Variants in TTLL11 observed in about 807,000 individuals in gnomAD.
The protein encoded by TTLL11 is tubulin polyglutamylase TTLL11.
Under a neutral mutation model 51.7 loss-of-function variants are expected in TTLL11, and 42 were observed. The observed-to-expected ratio is 0.81, with a 90% CI of 0.64 to 1.05. TTLL11 has a LOEUF of 1.05. TTLL11 is among the 50% of genes least tolerant of loss of function. The pLI, the probability that TTLL11 is intolerant of heterozygous loss-of-function variation, is 0.00. For missense variants in TTLL11, 799 were observed against 940.4 expected, an observed-to-expected ratio of 0.85 and a Z score of 1.97; for synonymous variants, 381 against 383.5, an observed-to-expected ratio of 0.99 and a Z score of 0.08.
At chr9:121,873,632 TCCTCCTC>T (rs1340261361) in intron 6 of TTLL11, among the ~76,000 whole-genome samples, 8 of 148,712 alleles carry the variant, frequency 5.4e-5, no homozygotes, top group South Asian at 2.1e-4. Context: ...CTCCTCCTCC[TCCTCCTC>T]CTCTCTTCTT....
intron 6 of TTLL11, among the ~76,000 whole-genome samples, chr9:121,940,778 G>T (rs1318202888): frequency 6.6e-6 from 1 of 152,154 alleles, no homozygotes; most frequent in African/African-American, 2.4e-5. Flanking sequence ...AGGCTCCATA[G>T]GACATTTGCT....
chr9:121,875,837 T>C (rs1838543574), intron 6 of TTLL11, among the ~76,000 whole-genome samples: 1 of 152,236 alleles, frequency 6.6e-6, no homozygotes, highest in Non-Finnish European at 1.5e-5. Context: ...CCTTGATTCA[T>C]TAAAATAGGT....
Position 121,822,602 on chromosome 9 carries a change from T to A in TTLL11, c.2118A>T (p.Arg706Ser). The change falls in exon 9 of 9, where the codon AGA becomes AGT. Residue 706 changes from arginine to serine, a missense_variant. By Grantham distance (110) the Arg-to-Ser change is moderately radical. This residue lies in a region of TTLL11 where 165 missense variants were observed against 166.1 expected (regional missense o/e 0.99). Transcript: ENST00000321582. This position sits in a 1 kb window ranked among gnomAD's most constrained non-coding sequence, Gnocchi z 5.8. Reference sequence around the variant, plus strand: ...AGAGTGGCCCTCAGGACAGGGTATGTCTGGGATGGGAGAGCTTATTGGCAC... The same window carrying A: ...AGAGTGGCCCTCAGGACAGGGTATGACTGGGATGGGAGAGCTTATTGGCAC... ...TSCANKLSHP[R>S]HTLS 6.8e-7 allele frequency: 1 copy of A among 1,471,398 alleles called. No individual in the cohort carries two copies. The highest frequency in any genetic ancestry group is 9.0e-7 in the Non-Finnish European group (1 of 1,110,924). 91.1% of individuals were successfully genotyped at this position (1,471,398 alleles called of 1,614,324 possible).
At chr9:122,041,957 T>G (rs922883254) in intron 1 of TTLL11, among the ~76,000 whole-genome samples, 4 of 136,630 alleles carry the variant, frequency 2.9e-5, no homozygotes, top group Non-Finnish European at 6.4e-5. Flanking sequence ...GGACCCCAAA[T>G]AGCAAAAACA....
chr9:122,011,957 C>A (rs529341005), intron 3 of TTLL11, among the ~76,000 whole-genome samples: 11 of 152,060 alleles, frequency 7.2e-5, no homozygotes, highest in African/African-American at 2.7e-4. Context: ...TGCATGTTTG[C>A]GTGAGGGGAA....
intron 3 of TTLL11, among the ~76,000 whole-genome samples, chr9:122,020,313 C>G (rs958134063): frequency 1.3e-4 from 20 of 152,214 alleles, no homozygotes; most frequent in Non-Finnish European, 2.2e-4. Flanking sequence ...CTTTTTCTCT[C>G]CCTCTATTCC....
In TTLL11 at chr9:122,020,560, G is replaced by A. The variant is rs74669552; in HGVS notation, c.693+11163C>T. ...CCTATGAATAATAGAAGAATCCTGC[G>A]AGGGTTGCTAAAGAATTTTAAATTA... is the stretch of plus-strand genomic sequence containing the variant. On this transcript the variant is annotated intron_variant, in intron 3 of 8. Transcript: ENST00000321582. Among the ~76,000 whole-genome samples the A allele has an allele frequency of 6.3e-3, 958 of 152,340 alleles. 10 individuals carry two copies. Among genetic ancestry groups the A allele is most frequent in the African/African-American group, 0.022 (931 of 41,572 alleles).
Position 121,989,294 on chromosome 9 carries a change from G to A in TTLL11, c.1170C>T (p.Ile390=), listed in dbSNP as rs1843029787. ...CGATGACCGTCTTAATCACCACGGAGATGATGTCAGACCAGACCTTCTTGA... is the reference window on the plus strand; with the variant it reads ...CGATGACCGTCTTAATCACCACGGAAATGATGTCAGACCAGACCTTCTTGA... The part of the protein sequence containing the change: ...VDIKKVWSDI[I]SVVIKTVIAL... Residue 390 remains isoleucine, a synonymous_variant, in exon 4 of 9, where the codon ATC becomes ATT. Transcript: ENST00000321582. This position sits in a 1 kb window ranked among gnomAD's most constrained non-coding sequence, Gnocchi z 4.2. 1.2e-6 allele frequency: 2 copies of A among 1,614,202 alleles called. No homozygotes were observed. Among genetic ancestry groups the A allele is most frequent in the East Asian group, 4.5e-5 (2 of 44,888 alleles).
intron 1 of TTLL11, among the ~76,000 whole-genome samples, chr9:122,066,513 G>A (rs1052832360): frequency 6.6e-6 from 1 of 152,108 alleles, no homozygotes; most frequent in African/African-American, 2.4e-5. Context: ...GTGAAGACAG[G>A]ACTGGTCACC....
intron 8 of TTLL11, among the ~76,000 whole-genome samples, chr9:121,847,721 G>A (rs761953928): frequency 5.9e-5 from 9 of 152,092 alleles, no homozygotes; most frequent in Non-Finnish European, 1.3e-4. Flanking sequence ...TCTAACAAAC[G>A]TTTAAGAAGG....
chr9:122,076,264 G>A (rs912874279), intron 1 of TTLL11, among the ~76,000 whole-genome samples: 4 of 152,182 alleles, frequency 2.6e-5, no homozygotes, highest in Non-Finnish European at 5.9e-5. Flanking sequence ...CAACCAGAGC[G>A]ATCTTTTTAA....
chr9:121,828,942 G>T (rs996630837), intron 8 of TTLL11, among the ~76,000 whole-genome samples: 6 of 151,924 alleles, frequency 3.9e-5, no homozygotes, highest in Non-Finnish European at 7.4e-5. Context: ...TCCCGCCTGG[G>T]CAACAGACAA....
chr9:121,958,373 G>A lies in TTLL11; in HGVS notation c.1481+15636C>T, dbSNP rs566445596. ...TCTTTGCTCTGCCTTATTGGTGCCC[G>A]AAGAGACTTCACCCCCTTTCCCATA... is the stretch of plus-strand genomic sequence containing the variant. On this transcript the variant is annotated intron_variant, in intron 6 of 8. Transcript: ENST00000321582. 5.9e-5 allele frequency among the ~76,000 whole-genome samples: 9 copies of A among 152,222 alleles called. No homozygotes were observed. The East Asian group carries it at 1.2e-3, about 20-fold the overall frequency.
intron 4 of TTLL11, among the ~76,000 whole-genome samples, chr9:121,981,566 G>T (rs1425683516): frequency 6.6e-6 from 1 of 152,104 alleles, no homozygotes; most frequent in Admixed American, 6.5e-5. Flanking sequence ...ATTGGTAAAG[G>T]TTACCTTTTC....
intron 3 of TTLL11, among the ~76,000 whole-genome samples, chr9:122,014,466 G>C (rs1843906166): frequency 6.6e-6 from 1 of 152,188 alleles, no homozygotes; most frequent in Non-Finnish European, 1.5e-5. Flanking sequence ...AACTTTTCCT[G>C]ACTTCTCCAC....
chr9:121,912,363 C>T (rs991054267), intron 6 of TTLL11, among the ~76,000 whole-genome samples: 1 of 152,228 alleles, frequency 6.6e-6, no homozygotes, highest in Non-Finnish European at 1.5e-5. Flanking sequence ...ATCAGGAGAT[C>T]TTCCACCCTT....
intron 3 of TTLL11, among the ~76,000 whole-genome samples, chr9:122,001,386 G>A (rs1410720965): frequency 1.3e-5 from 2 of 152,228 alleles, no homozygotes; most frequent in South Asian, 4.2e-4. Context: ...TTCCAGGCGT[G>A]AGCCACCGCA....
intron 7 of TTLL11, among the ~76,000 whole-genome samples, chr9:121,862,500 C>G (rs1838042861): frequency 6.6e-6 from 1 of 152,190 alleles, no homozygotes; most frequent in Non-Finnish European, 1.5e-5. Context: ...CTAGAGCCAT[C>G]TCACCCCAGA....
intron 6 of TTLL11, among the ~76,000 whole-genome samples, chr9:121,969,843 A>G (rs1417995743): frequency 6.6e-6 from 1 of 152,250 alleles, no homozygotes; most frequent in Non-Finnish European, 1.5e-5. Context: ...ACTGTGCAGC[A>G]TAAATCAGGT....
Sources: gnomAD v4.1 joint callset for allele counts (sites outside exome capture counted in the v4.1 genomes callset) on GRCh38, gnomAD v4.1.1 for gene constraint, gnomAD v4.1.1 regional missense constraint, Gnocchi (gnomAD v3.1) non-coding constraint, MANE v1.5 for transcripts, NCBI Gene and HGNC (gene_info 2026-07-23, HGNC 2026-07-21) for gene names.